ATP11A: variants seen among roughly 807,000 people sequenced by gnomAD.
ATP11A encodes the protein ATPase phospholipid transporting 11A, also known as phospholipid-transporting ATPase IH.
A neutral mutation model predicts 154.4 loss-of-function variants in ATP11A; 81 were observed. The observed-to-expected ratio is 0.52, with a 90% CI of 0.44 to 0.63. ATP11A has a LOEUF of 0.63. Ranked by LOEUF, ATP11A falls within the 30% of genes least tolerant of loss-of-function variation. The pLI is 0.00. For missense variants in ATP11A, 1,316 were observed against 1,474.3 expected (o/e 0.89, Z 1.76); for synonymous variants, 623 against 585.9 (o/e 1.06, Z -0.91).
At chr13:112,725,031 G>A (rs1889667702) in intron 1 of ATP11A, among the ~76,000 whole-genome samples, 1 of 152,170 alleles carries the variant, frequency 6.6e-6, no homozygotes, top group African/African-American at 2.4e-5. Context: ...TGGATTGTCT[G>A]TGGGCCCGGT....
chr13:112,790,519 T>G (rs952788325), intron 2 of ATP11A, among the ~76,000 whole-genome samples: 7 of 147,844 alleles, frequency 4.7e-5, no homozygotes, highest in African/African-American at 1.8e-4. Flanking sequence ...TAGACCCCTG[T>G]GGAGACCTGC....
chr13:112,779,121 T>TGAG (rs1384759204), intron 1 of ATP11A, among the ~76,000 whole-genome samples: 1 of 24,042 alleles, frequency 4.2e-5, no homozygotes, highest in African/African-American at 3.0e-4. Flanking sequence ...GCCACTGGAG[T>TGAG]GAGTAGCCGC....
chr13:112,755,667 C>G (rs1166760649), intron 1 of ATP11A, among the ~76,000 whole-genome samples: 1 of 149,782 alleles, frequency 6.7e-6, no homozygotes, highest in East Asian at 2.0e-4. Flanking sequence ...AAGCATCAAT[C>G]AGAGCGGCTC....
chr13:112,846,413 C>G (rs989737328), intron 17 of ATP11A, among the ~76,000 whole-genome samples: 1 of 152,154 alleles, frequency 6.6e-6, no homozygotes, highest in Non-Finnish European at 1.5e-5. Flanking sequence ...CAGCACCCCA[C>G]GCAGGACACC....
Position 112,832,959 on chromosome 13 carries a change from G to T in ATP11A, c.1495G>T (p.Gly499Trp), listed in dbSNP as rs919062035. The change falls in exon 14 of 30, where the codon GGG (glycine) becomes TGG (tryptophan). Residue 499 changes from glycine to tryptophan, a missense_variant. By Grantham distance (184) the Gly-to-Trp change is radical (BLOSUM62 -2). Transcript: ENST00000375645. ...VDGPRKSPDG[G>W]KSCVYISSSP... ...CGGCCCCAGGAAATCGCCGGACGGGGGGAAATCCTGTGTGTACATCTCATC... is the reference window on the plus strand; with the variant it reads ...CGGCCCCAGGAAATCGCCGGACGGGTGGAAATCCTGTGTGTACATCTCATC... 4.3e-6 allele frequency: 7 copies of T among 1,613,942 alleles called. No individual in the cohort carries two copies. Among genetic ancestry groups the T allele is most frequent in the Non-Finnish European group, 5.9e-6 (7 of 1,179,940 alleles).
In ATP11A at chr13:112,804,843, C is replaced by T. The variant is rs192469521; in HGVS notation, c.163-114C>T. ...AAATTATGAATTATGAGTTTTATAT[C>T]TAAAGCTAAACATTTTGTACTGTAA... is the stretch of plus-strand genomic sequence containing the variant. On this transcript the variant is annotated intron_variant, in intron 2 of 29. Coordinates refer to ENST00000375645, the MANE Select transcript of ATP11A (RefSeq NM_015205.3). The T allele has an allele frequency of 9.4e-5, 54 of 576,676 alleles. No individual in the cohort carries two copies. The Middle Eastern group carries it at 1.3e-3, about 14-fold the overall frequency. 35.7% of individuals were successfully genotyped at this position (576,676 alleles called of 1,614,324 possible). A position where few individuals can be genotyped will look rare whatever the true frequency, so the allele number is the denominator to read the frequency against.
chr13:112,840,583 A>C (rs534461781), intron 16 of ATP11A, among the ~76,000 whole-genome samples: 67 of 106,746 alleles, frequency 6.3e-4, no homozygotes, highest in Admixed American at 1.1e-3. Context: ...GTCCTCCCCC[A>C]TGCCCTCCAG....
At chr13:112,881,333 A>G (rs551322914) in intron 29 of ATP11A, 206 of 1,011,028 alleles carry the variant, frequency 2.0e-4, no homozygotes, top group Non-Finnish European at 2.4e-4. Flanking sequence ...CAACATGTCA[A>G]GGGGATGCAA....
chr13:112,837,453 G>A (rs753866130), intron 16 of ATP11A, among the ~76,000 whole-genome samples: 11 of 152,332 alleles, frequency 7.2e-5, no homozygotes, highest in African/African-American at 2.4e-4. Flanking sequence ...CACGCATCCC[G>A]AACGCAGAAC....
intron 25 of ATP11A, among the ~76,000 whole-genome samples, chr13:112,865,282 C>T (rs1384361016): frequency 1.3e-5 from 2 of 150,514 alleles, no homozygotes; most frequent in Non-Finnish European, 3.0e-5. Context: ...AGCTTCCCAG[C>T]GGGGTCCATC....
chr13:112,869,760 C>T (rs533648745), intron 25 of ATP11A, among the ~76,000 whole-genome samples: 2 of 152,264 alleles, frequency 1.3e-5, no homozygotes, highest in African/African-American at 2.4e-5. Flanking sequence ...CAGCCTCCCG[C>T]CCTCCAGCAC....
At chr13:112,816,918 C>CT (rs1159854906) in intron 6 of ATP11A, among the ~76,000 whole-genome samples, 2 of 152,240 alleles carry the variant, frequency 1.3e-5, no homozygotes, top group Admixed American at 1.3e-4. Context: ...GAAAACTGGC[C>CT]TAGAATTATG....
intron 1 of ATP11A, among the ~76,000 whole-genome samples, chr13:112,726,199 GC>G (rs1889867397): frequency 6.6e-6 from 1 of 151,882 alleles, no homozygotes; most frequent in Non-Finnish European, 1.5e-5. Context: ...CAAAGAGAAG[GC>G]CCAGGGGGCA....
In ATP11A at chr13:112,882,590, G is replaced by A. The variant is rs184314123; in HGVS notation, c.*724G>A. On this transcript the variant is annotated 3_prime_UTR_variant, in exon 30 of 30. Transcript: ENST00000375645. This position sits in a 1 kb window ranked among gnomAD's most constrained non-coding sequence, Gnocchi z 5.1. The stretch of plus-strand genomic sequence containing the variant: ...TTTCCCTGCGGTTACGTCCAAGCCC[G>A]CCTGCCCTGTGTGTTGGGGCTGGCT... 6.6e-5 allele frequency: 27 copies of A among 406,982 alleles called. No homozygotes were observed. Among genetic ancestry groups the A allele is most frequent in the African/African-American group, 1.2e-4 (6 of 48,930 alleles). 25.2% of individuals were successfully genotyped at this position (406,982 alleles called of 1,614,324 possible).
At chr13:112,861,058 G>A (rs947155720) in intron 24 of ATP11A, among the ~76,000 whole-genome samples, 1 of 152,196 alleles carries the variant, frequency 6.6e-6, no homozygotes, top group African/African-American at 2.4e-5. Context: ...ATGGCGGAAG[G>A]CATGAGGAGC....
rs1310326657 is a variant in ATP11A at position 112,842,161 on chromosome 13, A to G, written c.1706-115A>G. 11 of 814,538 alleles carry G rather than the reference A, an allele frequency of 1.4e-5. No individual in the cohort carries two copies. In the Admixed American group the frequency reaches 2.6e-4, roughly 20 times the overall value. The allele number at this position is 814,538 out of a possible 1,614,324, so 50.5% of individuals were successfully genotyped here. A position where few individuals can be genotyped will look rare whatever the true frequency, so the allele number is the denominator to read the frequency against. Reference sequence around the variant, plus strand: ...TTAACTGGTCCATTAAAATCTTTAAAAAGCTTTCCACACTGCTATCCCTGT... The same window carrying G: ...TTAACTGGTCCATTAAAATCTTTAAGAAGCTTTCCACACTGCTATCCCTGT... On this transcript the variant is annotated intron_variant, in intron 16 of 29. Coordinates refer to ENST00000375645, the MANE Select transcript of ATP11A (RefSeq NM_015205.3).
At chr13:112,808,409 T>C (rs1305685992) in intron 4 of ATP11A, among the ~76,000 whole-genome samples, 1 of 152,058 alleles carries the variant, frequency 6.6e-6, no homozygotes, top group Non-Finnish European at 1.5e-5. Context: ...GCTACCCAGC[T>C]TTCACTCTGG....
chr13:112,875,962 G>T lies in ATP11A; in HGVS notation c.3327+21G>T. The T allele has an allele frequency of 6.3e-7, 1 of 1,596,468 alleles. No homozygotes were observed. ...TCCAGGTACGGAGTGTCCCCAGCCG[G>T]GGCGGGGGTGCCTCAGGGCCCTGGC... On this transcript the variant is annotated intron_variant, in intron 28 of 29. Transcript: ENST00000375645. The surrounding 1 kb of genome is among the most constrained non-coding windows in gnomAD (Gnocchi z 4.1).
chr13:112,784,767 C>T (rs539366518), intron 1 of ATP11A, among the ~76,000 whole-genome samples: 1 of 152,338 alleles, frequency 6.6e-6, no homozygotes, highest in Non-Finnish European at 1.5e-5. Context: ...TCGTGATCCG[C>T]CCATCTCGGC....
Sources: allele counts gnomAD v4.1 joint callset (sites outside exome capture counted in the v4.1 genomes callset), GRCh38; gene constraint gnomAD v4.1.1; non-coding constraint Gnocchi (gnomAD v3.1); transcripts MANE v1.5; gene names NCBI Gene and HGNC (gene_info 2026-07-23, HGNC 2026-07-21).